Variants in DAPK2 observed in about 807,000 individuals in gnomAD.
The protein encoded by DAPK2 is death associated protein kinase 2.
Under a neutral mutation model 44.1 loss-of-function variants are expected in DAPK2, and 35 were observed. The observed-to-expected ratio is 0.79, with a 90% CI of 0.61 to 1.05. DAPK2 has a LOEUF of 1.05. Ranked by LOEUF, DAPK2 falls within the 50% of genes least tolerant of loss-of-function variation. The probability of loss-of-function intolerance (pLI) is 0.00; values close to 1 mark genes in which losing one functional copy is unlikely to be tolerated. For missense variants in DAPK2, 453 were observed against 483.2 expected, an observed-to-expected ratio of 0.94 and a Z score of 0.59; for synonymous variants, 174 against 182.6, an observed-to-expected ratio of 0.95 and a Z score of 0.38.
intron 1 of DAPK2, among the ~76,000 whole-genome samples, chr15:64,001,838 G>A (rs117301931): frequency 0.011 from 1,629 of 152,170 alleles, 15 homozygotes; most frequent in Middle Eastern, 0.02. Flanking sequence ...AAAATATTAC[G>A]GCAAGGCCCC....
At chr15:63,994,853 G>A (rs1382520971) in intron 1 of DAPK2, among the ~76,000 whole-genome samples, 1 of 151,786 alleles carries the variant, frequency 6.6e-6, no homozygotes, top group East Asian at 1.9e-4. Flanking sequence ...GCCTCCCAAA[G>A]TGCTAGGATT....
chr15:64,018,060 A>AT (rs1567276563), intron 1 of DAPK2, among the ~76,000 whole-genome samples: 1 of 152,208 alleles, frequency 6.6e-6, no homozygotes, highest in Non-Finnish European at 1.5e-5. Flanking sequence ...CAAAAAAGTC[A>AT]TTTTTTAAAA....
At chr15:63,997,255 T>G (rs1458433073) in intron 1 of DAPK2, among the ~76,000 whole-genome samples, 1 of 152,252 alleles carries the variant, frequency 6.6e-6, no homozygotes. Context: ...TCAAGCCTAA[T>G]TGTCAGGGCG....
chr15:63,955,989 C>T (rs2077711570), intron 3 of DAPK2, among the ~76,000 whole-genome samples: 1 of 152,156 alleles, frequency 6.6e-6, no homozygotes, highest in Admixed American at 6.5e-5. Context: ...TATTGGTGTG[C>T]AGGTTTTGGA....
At position 64,019,854 on chromosome 15, in the gene DAPK2, C is replaced by T. The variant is rs541420747; in HGVS notation, c.92+20316G>A. Among the ~76,000 whole-genome samples, 27 of 152,290 alleles carry T rather than the reference C, an allele frequency of 1.8e-4. 1 individual carries two copies. Among genetic ancestry groups the T allele is most frequent in the Admixed American group, 1.4e-3 (21 of 15,298 alleles). ...CTTATTTATTAGTGACACACCTATG[C>T]GTTGTATAACTACATCTTATCAGAG... On this transcript the variant is annotated intron_variant, in intron 1 of 10. Transcript: ENST00000261891.
chr15:63,939,417 C>T lies in DAPK2; in HGVS notation c.454-56G>A, dbSNP rs73452775. ...GGAAGGAAGAAAAGAAAAAAAAAGA[C>T]GGTAATTAAAGGCTGGTTGGTTCGT... On this transcript the variant is annotated intron_variant, in intron 3 of 10. Coordinates refer to ENST00000261891, the Ensembl canonical transcript of DAPK2. This position sits in a 1 kb window ranked among gnomAD's most constrained non-coding sequence, Gnocchi z 4.3. The T allele has an allele frequency of 7.6e-3, 11,758 of 1,537,240 alleles. 685 individuals are homozygous for T. The African/African-American group carries it at 0.14, about 18-fold the overall frequency.
At position 63,985,409 on chromosome 15, in the gene DAPK2, C is replaced by T. The variant is rs115835198; in HGVS notation, c.93-1655G>A. Among the ~76,000 whole-genome samples the T allele has an allele frequency of 1.1e-3, 160 of 152,316 alleles. 1 individual carries two copies. Among genetic ancestry groups the T allele is most frequent in the African/African-American group, 3.7e-3 (153 of 41,558 alleles). ...GAGCCACTCTGGGCCTCGAGGACAG[C>T]GGGTGCCTTGGTAGGTGCCAACAAA... On this transcript the variant is annotated intron_variant, in intron 1 of 10. Coordinates refer to ENST00000261891, the Ensembl canonical transcript of DAPK2.
rs893298228 is a variant in DAPK2, at chr15:63,990,781, CT to C, written c.93-7028del. Among the ~76,000 whole-genome samples the C allele has an allele frequency of 6.6e-6, 1 of 152,190 alleles. No homozygotes were observed. Among genetic ancestry groups the C allele is most frequent in the African/African-American group, 2.4e-5 (1 of 41,458 alleles). On this transcript the variant is annotated intron_variant, in intron 1 of 10. Transcript: ENST00000261891. The surrounding 1 kb of genome is among the most constrained non-coding windows in gnomAD (Gnocchi z 4.3). ...TCAGGGCCATAGGGCAGGGATAATGCTTAGGAACTTCCAGCCAAGGACCTTC... is the reference window on the plus strand; with the variant it reads ...TCAGGGCCATAGGGCAGGGATAATGCTAGGAACTTCCAGCCAAGGACCTTC...
chr15:63,936,409 G>A (rs752000908), intron 4 of DAPK2, among the ~76,000 whole-genome samples: 11 of 152,102 alleles, frequency 7.2e-5, no homozygotes, highest in Non-Finnish European at 1.3e-4. Context: ...TCAGGAGTTC[G>A]AGACCTGCCT....
At chr15:64,042,282 A>G (rs1438336054), upstream of DAPK2, among the ~76,000 whole-genome samples, 1 of 152,072 alleles carries the variant, frequency 6.6e-6, no homozygotes, top group Non-Finnish European at 1.5e-5. This position sits in a 1 kb window ranked among gnomAD's most constrained non-coding sequence, Gnocchi z 4.7. Context: ...CTCATCCCCA[A>G]CATCCTGGCA....
At chr15:63,982,768 T>C (rs1225991218) in intron 2 of DAPK2, among the ~76,000 whole-genome samples, 1 of 152,240 alleles carries the variant, frequency 6.6e-6, no homozygotes, top group Non-Finnish European at 1.5e-5. Context: ...TTCCTGGCTA[T>C]AGGCTCCTGT....
chr15:63,913,619 T>C (rs1464586744), intron 8 of DAPK2, among the ~76,000 whole-genome samples: 1 of 152,124 alleles, frequency 6.6e-6, no homozygotes, highest in East Asian at 1.9e-4. Flanking sequence ...CTAACCATGC[T>C]CGGAGCACAC....
chr15:64,000,797 T>C (rs1353771944), intron 1 of DAPK2, among the ~76,000 whole-genome samples: 1 of 152,074 alleles, frequency 6.6e-6, no homozygotes, highest in South Asian at 2.1e-4. Flanking sequence ...TGACAAAGTG[T>C]CTGATGAGTG....
rs921852118 is a variant in DAPK2 at position 64,013,308 on chromosome 15, T to C, written c.92+26862A>G. 6.6e-6 allele frequency among the ~76,000 whole-genome samples: 1 copy of C among 152,238 alleles called. No individual in the cohort carries two copies. The highest frequency in any genetic ancestry group is 6.5e-5 in the Admixed American group (1 of 15,290). On this transcript the variant is annotated intron_variant, in intron 1 of 10. Transcript: ENST00000261891. This position sits in a 1 kb window ranked among gnomAD's most constrained non-coding sequence, Gnocchi z 4.7. ...CAAGGGTTAAGATCTTGTTCTTCAT[T>C]ACTGAGATTTTAAGCTGGGAGGCTG...
At chr15:63,972,963 C>G (rs2078252747) in intron 2 of DAPK2, among the ~76,000 whole-genome samples, 1 of 152,212 alleles carries the variant, frequency 6.6e-6, no homozygotes, top group Admixed American at 6.5e-5. Flanking sequence ...AAGCCAGGAC[C>G]TATTGTCCAA....
intron 3 of DAPK2, among the ~76,000 whole-genome samples, chr15:63,961,060 G>A (rs149024601): frequency 0.022 from 3,362 of 152,278 alleles, 67 homozygotes; most frequent in Non-Finnish European, 0.03. Context: ...ATTTAGGATC[G>A]TTAGCACTTC....
At chr15:63,940,681 C>T (rs2077282727) in intron 3 of DAPK2, among the ~76,000 whole-genome samples, 1 of 151,890 alleles carries the variant, frequency 6.6e-6, no homozygotes, top group African/African-American at 2.4e-5. Flanking sequence ...CACTGCACTC[C>T]AGCCTGGGCA....
At chr15:63,985,149 C>T (rs762013033) in intron 1 of DAPK2, among the ~76,000 whole-genome samples, 4 of 152,226 alleles carry the variant, frequency 2.6e-5, no homozygotes, top group Admixed American at 6.5e-5. Flanking sequence ...ACAACAGGTA[C>T]AGATGGAGCT....
At chr15:63,984,183 T>C (rs2078608578) in intron 1 of DAPK2, among the ~76,000 whole-genome samples, 1 of 152,094 alleles carries the variant, frequency 6.6e-6, no homozygotes, top group African/African-American at 2.4e-5. Flanking sequence ...AGGTTAATCA[T>C]CATAGTGGGG....
Sources: allele counts gnomAD v4.1 joint callset (sites outside exome capture counted in the v4.1 genomes callset), GRCh38; gene constraint gnomAD v4.1.1; non-coding constraint Gnocchi (gnomAD v3.1); transcripts MANE v1.5; gene names NCBI Gene and HGNC (gene_info 2026-07-23, HGNC 2026-07-21).